NAV3: variants seen among roughly 807,000 people sequenced by gnomAD.
NAV3 encodes the protein neuron navigator 3, also known as pore membrane and/or filament interacting like protein 1.
A neutral mutation model predicts 244.7 loss-of-function variants in NAV3; 87 were observed. The observed-to-expected ratio is 0.36, with a 90% CI of 0.30 to 0.42. The LOEUF (loss-of-function observed/expected upper bound fraction) is 0.42. Ranked by LOEUF, NAV3 falls within the 20% of genes least tolerant of loss-of-function variation. The pLI is 1.00. For synonymous variants in NAV3, 1,126 were observed against 1,042.2 expected (o/e 1.08, Z -1.55); for missense variants, 2,663 against 2,893.3 (o/e 0.92, Z 1.83).
intron 3 of NAV3, among the ~76,000 whole-genome samples, chr12:77,952,721 CA>C (rs1195033050): frequency 1.3e-5 from 2 of 152,084 alleles, no homozygotes; most frequent in Non-Finnish European, 2.9e-5. Context: ...TCCCTATGCC[CA>C]AACTTGCAAT....
rs142078063 is a variant in NAV3 at position 77,810,194 on chromosome 12, C to T, written c.73-130125C>T. 3.0e-4 allele frequency among the ~76,000 whole-genome samples: 45 copies of T among 152,266 alleles called. 1 individual carries two copies. The highest frequency in any genetic ancestry group is 8.9e-4 in the African/African-American group (37 of 41,550). ...TTTGTGTGTTTGTTTGTTTTTGAGACGGAGTCTCGCTCTGTCCCCCAGGCT... is the reference window on the plus strand; with the variant it reads ...TTTGTGTGTTTGTTTGTTTTTGAGATGGAGTCTCGCTCTGTCCCCCAGGCT... On this transcript the variant is annotated intron_variant, in intron 2 of 8. Transcript: ENST00000550042.
intron 12 of NAV3, among the ~76,000 whole-genome samples, chr12:78,115,825 C>T (rs540754948): frequency 7.2e-5 from 11 of 152,230 alleles, no homozygotes; most frequent in Admixed American, 2.0e-4. Flanking sequence ...TTAGGTTATA[C>T]CATCTAGGTT....
intron 2 of NAV3, among the ~76,000 whole-genome samples, chr12:77,722,838 C>T (rs1345233583): frequency 6.6e-6 from 1 of 151,976 alleles, no homozygotes; most frequent in East Asian, 1.9e-4. Flanking sequence ...TAGCAGTTTT[C>T]TAGCCAAAAT....
chr12:78,071,739 C>G (rs539198857), intron 12 of NAV3, among the ~76,000 whole-genome samples: 1 of 151,990 alleles, frequency 6.6e-6, no homozygotes, highest in Non-Finnish European at 1.5e-5. Context: ...GAATCCTTTC[C>G]CCATTGCTTG....
intron 2 of NAV3, among the ~76,000 whole-genome samples, chr12:77,659,440 C>T (rs1873315805): frequency 6.6e-6 from 1 of 152,092 alleles, no homozygotes; most frequent in Admixed American, 6.5e-5. Flanking sequence ...GAATGGTGAT[C>T]ATTAAAAAGT....
chr12:78,134,155 A>G (rs149456892), intron 18 of NAV3, among the ~76,000 whole-genome samples: 320 of 151,832 alleles, frequency 2.1e-3, no homozygotes, highest in African/African-American at 7.2e-3. Flanking sequence ...AACAGTTTCT[A>G]TGCTTTTGTA....
At chr12:78,003,157 G>A (rs1372718709) in intron 7 of NAV3, among the ~76,000 whole-genome samples, 1 of 151,228 alleles carries the variant, frequency 6.6e-6, no homozygotes, top group South Asian at 2.1e-4. Context: ...GGCAATACAC[G>A]AGCAATTATT....
chr12:77,754,319 A>G (rs141795547), intron 2 of NAV3, among the ~76,000 whole-genome samples: 20 of 152,238 alleles, frequency 1.3e-4, no homozygotes, highest in Admixed American at 7.2e-4. Context: ...TCACTGGCTT[A>G]ATTCCCCTTG....
At chr12:77,613,720 A>T (rs960767229) in intron 2 of NAV3, among the ~76,000 whole-genome samples, 5 of 151,712 alleles carry the variant, frequency 3.3e-5, no homozygotes, top group South Asian at 2.1e-4. Context: ...CATAGTATAA[A>T]CCCCCACACA....
intron 22 of NAV3, among the ~76,000 whole-genome samples, chr12:78,149,271 A>G (rs1956982666): frequency 6.6e-6 from 1 of 152,136 alleles, no homozygotes; most frequent in Admixed American, 6.6e-5. Context: ...GGAAGATAAA[A>G]TATTCCTGTG....
At chr12:78,105,745 T>A (rs1566138984) in intron 12 of NAV3, among the ~76,000 whole-genome samples, 1 of 152,088 alleles carries the variant, frequency 6.6e-6, no homozygotes, top group African/African-American at 2.4e-5. Flanking sequence ...CTTCATCAAG[T>A]TGGTATCTTT....
chr12:77,593,622 T>C (rs1870020081), intron 2 of NAV3, among the ~76,000 whole-genome samples: 1 of 133,004 alleles, frequency 7.5e-6, no homozygotes, highest in South Asian at 2.8e-4. Flanking sequence ...GCACCTGTAA[T>C]CCCAGCTACT....
intron 4 of NAV3, among the ~76,000 whole-genome samples, chr12:77,968,201 C>A (rs1171188005): frequency 6.6e-6 from 1 of 152,182 alleles, no homozygotes; most frequent in African/African-American, 2.4e-5. Context: ...ATGGTTAGCA[C>A]AAGAGAGAGC....
chr12:78,154,662 A>T (rs1957229786), intron 22 of NAV3, among the ~76,000 whole-genome samples: 1 of 151,820 alleles, frequency 6.6e-6, no homozygotes. Flanking sequence ...GTCAGGGGAT[A>T]TTTATCATCA....
At chr12:78,015,939 A>G (rs2136716875) in intron 8 of NAV3, among the ~76,000 whole-genome samples, 1 of 152,192 alleles carries the variant, frequency 6.6e-6, no homozygotes, top group South Asian at 2.1e-4. Context: ...ATAGATTTCT[A>G]CTGTATTTGT....
chr12:77,914,266 T>A (rs558710929), intron 1 of NAV3, among the ~76,000 whole-genome samples: 1 of 152,202 alleles, frequency 6.6e-6, no homozygotes, highest in East Asian at 1.9e-4. Context: ...TTTGATTCAC[T>A]GTCAAAGGCT....
chr12:78,047,277 G>A (rs1008871235), intron 9 of NAV3, among the ~76,000 whole-genome samples: 9 of 152,100 alleles, frequency 5.9e-5, no homozygotes, highest in Non-Finnish European at 1.0e-4. Context: ...CATGAGGTCA[G>A]GAGATCGAGA....
chr12:77,709,106 G>T (rs545823624), intron 2 of NAV3, among the ~76,000 whole-genome samples: 1 of 152,110 alleles, frequency 6.6e-6, no homozygotes, highest in Non-Finnish European at 1.5e-5. Context: ...TATCCACCAT[G>T]ATCAAGTGGG....
chr12:77,698,016 A>G lies in NAV3; in HGVS notation c.72+125750A>G, dbSNP rs954500947. 3.3e-5 allele frequency among the ~76,000 whole-genome samples: 5 copies of G among 152,292 alleles called. No individual in the cohort carries two copies. In the East Asian group the frequency reaches 9.7e-4, roughly 29 times the overall value. ...GAATGTTAGGTAAAGAATTGAGAAG[A>G]TAATTTTTTTTCATGCAGGAAGGGG... On this transcript the variant is annotated intron_variant, in intron 2 of 8. Coordinates refer to the NAV3 transcript ENST00000550042.
Sources: gnomAD v4.1 joint callset for allele counts (sites outside exome capture counted in the v4.1 genomes callset) on GRCh38, gnomAD v4.1.1 for gene constraint, MANE v1.5 for transcripts, NCBI Gene and HGNC (gene_info 2026-07-23, HGNC 2026-07-21) for gene names.